Variants in SOCS7 observed in about 807,000 individuals in gnomAD.
SOCS7 encodes the protein NAP-4.
A neutral mutation model predicts 58.9 loss-of-function variants in SOCS7; 18 were observed. The observed-to-expected ratio is 0.31, with a 90% CI of 0.21 to 0.45. The LOEUF (loss-of-function observed/expected upper bound fraction) is 0.45, where lower values mean the gene tolerates loss of function less well. Ranked by LOEUF, SOCS7 falls within the 20% of genes least tolerant of loss-of-function variation. SOCS7 has a pLI of 1.00. For missense variants in SOCS7, 667 were observed against 837.3 expected, an observed-to-expected ratio of 0.80 and a Z score of 2.51; for synonymous variants, 388 against 364.3, an observed-to-expected ratio of 1.06 and a Z score of -0.74.
intron 4 of SOCS7, 146 bp from the exon 5 acceptor site, chr17:38,366,141 T>G (rs1239472112): frequency 9.3e-6 from 12 of 1,297,034 alleles, no homozygotes; most frequent in Non-Finnish European, 1.2e-5. Context: ...TCCAGCTCTT[T>G]GCCACTGCTT....
rs1247174642 is a variant in SOCS7 at position 38,403,078 on chromosome 17, C to G, written c.*3596C>G. The G allele has an allele frequency of 6.6e-6, 1 of 152,124 alleles. No individual in the cohort carries two copies. The highest frequency in any genetic ancestry group is 2.4e-5 in the African/African-American group (1 of 41,388). 9.4% of individuals were successfully genotyped at this position (152,124 alleles called of 1,614,324 possible). A position where few individuals can be genotyped will look rare whatever the true frequency, so the allele number is the denominator to read the frequency against. On this transcript the variant is annotated 3_prime_UTR_variant, in exon 10 of 10. Coordinates refer to ENST00000612932, the MANE Select transcript of SOCS7 (RefSeq NM_014598.4). ...TTGGTGCTGACCTTTGCCTGGTCAC[C>G]TGCCTGTGCCTAGGCCAAGTGAATG...
intron 7 of SOCS7, among the ~76,000 whole-genome samples, chr17:38,393,294 G>A (rs958557326): frequency 6.6e-6 from 1 of 152,068 alleles, no homozygotes; most frequent in Admixed American, 6.5e-5. Context: ...CTTGGGATGC[G>A]GTGTACATGC....
At chr17:38,393,423 G>A (rs2038202360) in intron 7 of SOCS7, among the ~76,000 whole-genome samples, 1 of 151,824 alleles carries the variant, frequency 6.6e-6, no homozygotes, top group Admixed American at 6.6e-5. Context: ...GATCACCTGA[G>A]GTCAGGAGTT....
intron 1 of SOCS7, among the ~76,000 whole-genome samples, chr17:38,356,332 T>C (rs769799303): frequency 1.1e-4 from 16 of 151,550 alleles, no homozygotes; most frequent in Non-Finnish European, 1.8e-4. Flanking sequence ...CAGTAAGCTA[T>C]GATGTGCCAC....
At chr17:38,377,988 T>C (rs2037953473) in intron 7 of SOCS7, 146 bp downstream of exon 7, 2 of 698,228 alleles carry the variant, frequency 2.9e-6, no homozygotes, top group Admixed American at 5.2e-5. Context: ...AGTCCCATGG[T>C]TAATCCCCTG....
At chr17:38,374,120 TGAGGGAG>T (rs1266448908) in intron 6 of SOCS7, among the ~76,000 whole-genome samples, 1 of 152,190 alleles carries the variant, frequency 6.6e-6, no homozygotes, top group Non-Finnish European at 1.5e-5. Context: ...CTTGGGAGGC[TGAGGGAG>T]GAGAATCGCT....
Position 38,352,646 on chromosome 17 carries a change from A to G in SOCS7, c.594A>G (p.Glu198=). ...GCCTGGAGACTAACAGCTGCTCGGA[A>G]GAGGAGCTCAGCAGCCCGGGTCGCG... ...AESLETNSCS[E]EELSSPGRGG... Residue 198 remains glutamate, a synonymous_variant, in exon 1 of 10, where the codon GAA becomes GAG. Coordinates refer to ENST00000612932, the MANE Select transcript of SOCS7 (RefSeq NM_014598.4). The surrounding 1 kb of genome is among the most constrained non-coding windows in gnomAD (Gnocchi z 5.5). 2.6e-6 allele frequency: 4 copies of G among 1,549,984 alleles called. No homozygotes were observed. The highest frequency in any genetic ancestry group is 3.5e-6 in the Non-Finnish European group (4 of 1,146,842).
chr17:38,359,637 T>C (rs1555567280), intron 1 of SOCS7, among the ~76,000 whole-genome samples: 1 of 152,076 alleles, frequency 6.6e-6, no homozygotes, highest in Non-Finnish European at 1.5e-5. Flanking sequence ...AAGTTCTATT[T>C]AGACCTTTGG....
chr17:38,359,739 T>TTATA lies in SOCS7; in HGVS notation c.981-1958_981-1955dup, dbSNP rs71368481. Among the ~76,000 whole-genome samples the TTATA allele has an allele frequency of 8.5e-4, 126 of 147,988 alleles. 1 individual carries two copies. Among genetic ancestry groups the TTATA allele is most frequent in the African/African-American group, 2.8e-3 (114 of 40,550 alleles). Reference sequence around the variant, plus strand: ...GATTTTCTTTAAGTCTGTTTTACTGTTATATATATATATATATTATTTTTT... The same window carrying TTATA: ...GATTTTCTTTAAGTCTGTTTTACTGTTATATATATATATATATATATTATTTTTT... On this transcript the variant is annotated intron_variant, in intron 1 of 9. Transcript: ENST00000612932.
chr17:38,353,881 G>A (rs963463969), intron 1 of SOCS7, among the ~76,000 whole-genome samples: 4 of 152,202 alleles, frequency 2.6e-5, no homozygotes, highest in African/African-American at 7.2e-5. Flanking sequence ...AATAGTGATC[G>A]TGCCACTGCA....
intron 7 of SOCS7, among the ~76,000 whole-genome samples, chr17:38,382,431 C>T (rs1017829222): frequency 2.3e-5 from 3 of 130,988 alleles, no homozygotes; most frequent in Admixed American, 1.6e-4. Context: ...GAGCGAGACC[C>T]TATCTCAAAA....
At chr17:38,365,253 CG>C in intron 3 of SOCS7, 54 bp from the exon 4 acceptor site, 1 of 1,339,880 alleles carries the variant, frequency 7.5e-7, no homozygotes, top group Non-Finnish European at 1.1e-6. Flanking sequence ...CTGCCTTCAG[CG>C]TGCTCATTCT....
chr17:38,361,263 C>A (rs976353608), intron 1 of SOCS7, among the ~76,000 whole-genome samples: 6 of 152,280 alleles, frequency 3.9e-5, no homozygotes, highest in African/African-American at 1.4e-4. Flanking sequence ...AGGTCAGAAT[C>A]TGTTCCTTGG....
At chr17:38,372,452 C>G (rs2037879857) in intron 6 of SOCS7, among the ~76,000 whole-genome samples, 1 of 152,164 alleles carries the variant, frequency 6.6e-6, no homozygotes, top group African/African-American at 2.4e-5. Context: ...ATTTCATAGC[C>G]AACTAACTCC....
At chr17:38,396,172 T>C (rs1294639275) in intron 9 of SOCS7, among the ~76,000 whole-genome samples, 174 bp downstream of exon 9, 2 of 152,032 alleles carry the variant, frequency 1.3e-5, no homozygotes, top group African/African-American at 4.8e-5. Flanking sequence ...CACACCCCAT[T>C]TGGGAGAAAA....
intron 6 of SOCS7, among the ~76,000 whole-genome samples, chr17:38,371,974 C>T (rs1366791831): frequency 1.3e-5 from 2 of 151,868 alleles, no homozygotes; most frequent in South Asian, 2.1e-4. Flanking sequence ...GCACTCAACA[C>T]GCACTTGAAT....
chr17:38,357,136 G>C (rs2037651300), intron 1 of SOCS7, among the ~76,000 whole-genome samples: 2 of 152,176 alleles, frequency 1.3e-5, no homozygotes, highest in Non-Finnish European at 2.9e-5. Flanking sequence ...GGAAAGAGAG[G>C]CAGGCTGCTT....
chr17:38,387,133 G>GTGTGTATATATATATATATATATATA (rs1269515665), intron 7 of SOCS7, among the ~76,000 whole-genome samples: 2 of 73,466 alleles, frequency 2.7e-5, no homozygotes, highest in South Asian at 4.5e-4. Flanking sequence ...ATATATGTAT[G>GTGTGTATATATATATATATATATATA]TATATATATA....
intron 6 of SOCS7, among the ~76,000 whole-genome samples, chr17:38,374,307 G>A (rs143009057): frequency 6.6e-6 from 1 of 152,322 alleles, no homozygotes; most frequent in East Asian, 1.9e-4. Flanking sequence ...GGAGGCCAAG[G>A]CGGGCAGATC....
Sources: allele counts gnomAD v4.1 joint callset (sites outside exome capture counted in the v4.1 genomes callset), GRCh38; gene constraint gnomAD v4.1.1; non-coding constraint Gnocchi (gnomAD v3.1); transcripts MANE v1.5; gene names NCBI Gene and HGNC (gene_info 2026-07-23, HGNC 2026-07-21).